SDK1: variants seen among roughly 807,000 people sequenced by gnomAD.
The protein encoded by SDK1 is protein sidekick-1.
In SDK1, 157 loss-of-function variants were observed where a neutral mutation model predicts 245.5. That is an observed-to-expected ratio of 0.64 (90% CI 0.56 to 0.73). The LOEUF is 0.73. SDK1 is among the 30% of genes least tolerant of loss of function. SDK1 has a pLI of 0.00. For synonymous variants in SDK1, 1,647 were observed against 1,278.5 expected, an observed-to-expected ratio of 1.29 and a Z score of -6.15; for missense variants, 3,583 against 3,002.3, an observed-to-expected ratio of 1.19 and a Z score of -4.52.
chr7:3,615,011 TGTA>T lies in SDK1; in HGVS notation c.299-4065_299-4063del, dbSNP rs752247805. Among the ~76,000 whole-genome samples the T allele has an allele frequency of 4.6e-5, 7 of 151,766 alleles. No individual in the cohort carries two copies. In the South Asian group the frequency reaches 1.0e-3, roughly 23 times the overall value. The stretch of plus-strand genomic sequence containing the variant: ...CTATAAAGTCCATGAAAAATTGAGT[TGTA>T]GTATCATTTTAATTCAAATCCGTTG... On this transcript the variant is annotated intron_variant, in intron 1 of 44. Coordinates refer to ENST00000404826, the MANE Select transcript of SDK1 (RefSeq NM_152744.4).
intron 5 of SDK1, among the ~76,000 whole-genome samples, chr7:3,876,541 T>A (rs1212173174): frequency 1.3e-5 from 2 of 152,238 alleles, no homozygotes; most frequent in Non-Finnish European, 2.9e-5. Flanking sequence ...CTCTGGGTAT[T>A]ATTTTTATAA....
Position 4,241,799 on chromosome 7 carries a change from G to C in SDK1, c.6137G>C (p.Gly2046Ala). The stretch of plus-strand genomic sequence containing the variant: ...CTCTCCTGCTGGGCTTTAGGAAAGG[G>C]GATCTCCACCATGGAGGAGTCTGTG... ...KKYKNCSTGK[G>A]ISTMEESVTL... Residue 2046 changes from glycine to alanine, a missense_variant, in exon 43 of 45, where the codon GGG (glycine) becomes GCG (alanine). Physicochemically the swap from Gly to Ala is moderately conservative, Grantham distance 60 (BLOSUM62 0). Transcript: ENST00000404826. 6.2e-7 allele frequency: 1 copy of C among 1,614,092 alleles called. No individual in the cohort carries two copies. Among genetic ancestry groups the C allele is most frequent in the Non-Finnish European group, 8.5e-7 (1 of 1,180,020 alleles).
At chr7:4,234,410 C>T (rs775381991) in intron 41 of SDK1, among the ~76,000 whole-genome samples, 2 of 152,156 alleles carry the variant, frequency 1.3e-5, no homozygotes, top group South Asian at 2.1e-4. Context: ...CTGCAGTCAG[C>T]AGTCATGGCA....
At chr7:3,377,012 A>C (rs908414482) in intron 1 of SDK1, among the ~76,000 whole-genome samples, 56 of 152,090 alleles carry the variant, frequency 3.7e-4, no homozygotes, top group African/African-American at 1.3e-3. Context: ...CTTGTTGCCA[A>C]CTCTCTATTC....
intron 4 of SDK1, among the ~76,000 whole-genome samples, chr7:3,781,336 G>A (rs369928433): frequency 2.0e-5 from 3 of 152,052 alleles, no homozygotes; most frequent in East Asian, 1.9e-4. Flanking sequence ...AAAAGCAGCA[G>A]CCCAACTAAG....
rs1783530848 is a variant in SDK1 at position 4,114,047 on chromosome 7, A to T, written c.3596A>T (p.Asp1199Val). 2 of 1,614,038 alleles carry T rather than the reference A, an allele frequency of 1.2e-6. No individual in the cohort carries two copies. Among genetic ancestry groups the T allele is most frequent in the Non-Finnish European group, 1.7e-6 (2 of 1,179,954 alleles). The part of the protein sequence containing the change: ...SLRLRWVPLP[D>V]SQYNGNPESV... The stretch of plus-strand genomic sequence containing the variant: ...CTCGTTCCTTCCTAGCCCCTGCCGG[A>T]TTCTCAGTACAACGGGAACCCCGAG... The change falls in exon 25 of 45, where the codon GAT becomes GTT. Residue 1199 changes from aspartate to valine, a missense_variant. Asp to Val is a radical substitution (Grantham distance 152). Coordinates refer to ENST00000404826, the MANE Select transcript of SDK1 (RefSeq NM_152744.4).
At chr7:3,569,567 GC>G (rs1318269453) in intron 1 of SDK1, among the ~76,000 whole-genome samples, 2 of 152,200 alleles carry the variant, frequency 1.3e-5, no homozygotes, top group Non-Finnish European at 2.9e-5. Flanking sequence ...GGGTGTCTGT[GC>G]CCACGGTTCA....
At position 3,814,252 on chromosome 7, in the gene SDK1, T is replaced by C. The variant is rs199667460; in HGVS notation, c.714-7198T>C. On this transcript the variant is annotated intron_variant, in intron 4 of 44. Coordinates refer to ENST00000404826, the MANE Select transcript of SDK1 (RefSeq NM_152744.4). Reference sequence around the variant, plus strand: ...AGGGTTTTTATGGTTTTAGGTCTAATGTTTAAATCTTTAATCCATCTTGAA... The same window carrying C: ...AGGGTTTTTATGGTTTTAGGTCTAACGTTTAAATCTTTAATCCATCTTGAA... 0.011 allele frequency among the ~76,000 whole-genome samples: 1,636 copies of C among 151,356 alleles called. 80 individuals are homozygous for C. In the East Asian group the frequency reaches 0.16, roughly 14 times the overall value.
chr7:3,463,611 T>C (rs1780900209), intron 1 of SDK1, among the ~76,000 whole-genome samples: 1 of 152,238 alleles, frequency 6.6e-6, no homozygotes, highest in African/African-American at 2.4e-5. Context: ...TTACAACTTC[T>C]GTTTTGCTAA....
In SDK1 at chr7:4,024,624, T is replaced by TA. The variant is rs1487105799; in HGVS notation, c.2602+7273dup. ...TGCCACGTCCTTACATTCACTGTCT[T>TA]ACTCCATTCATCCCTGGGGGTCACA... On this transcript the variant is annotated intron_variant, in intron 17 of 44. Transcript: ENST00000404826. Among the ~76,000 whole-genome samples the TA allele has an allele frequency of 2.0e-5, 3 of 152,314 alleles. No homozygotes were observed. The East Asian group carries it at 5.8e-4, about 29-fold the overall frequency.
chr7:3,901,977 C>G (rs1159382572), intron 5 of SDK1, among the ~76,000 whole-genome samples: 1 of 152,162 alleles, frequency 6.6e-6, no homozygotes, highest in African/African-American at 2.4e-5. Context: ...CGGATGTTCT[C>G]CTCTGTCTTT....
chr7:3,457,293 C>A (rs954365800), intron 1 of SDK1, among the ~76,000 whole-genome samples: 2 of 152,166 alleles, frequency 1.3e-5, no homozygotes, highest in Non-Finnish European at 2.9e-5. Context: ...TACGTTGTCC[C>A]TTCAGTCTTG....
At chr7:3,791,085 A>C (rs1781067199) in intron 4 of SDK1, among the ~76,000 whole-genome samples, 1 of 152,072 alleles carries the variant, frequency 6.6e-6, no homozygotes, top group African/African-American at 2.4e-5. Flanking sequence ...GGAGTGACAA[A>C]AATTATTTAA....
At chr7:3,509,067 GGTGT>G (rs911519846) in intron 1 of SDK1, among the ~76,000 whole-genome samples, 67 of 143,516 alleles carry the variant, frequency 4.7e-4, no homozygotes, top group African/African-American at 6.4e-4. Flanking sequence ...AGGAAGGTGG[GGTGT>G]GTGTGTGTGT....
At chr7:3,659,682 T>A (rs188170948) in intron 4 of SDK1, among the ~76,000 whole-genome samples, 1 of 152,322 alleles carries the variant, frequency 6.6e-6, no homozygotes, top group Admixed American at 6.5e-5. Context: ...CATGATCTGA[T>A]TGGCTTTAAG....
chr7:3,613,708 A>G (rs1050818130), intron 1 of SDK1, among the ~76,000 whole-genome samples: 7 of 152,206 alleles, frequency 4.6e-5, no homozygotes, highest in Admixed American at 3.9e-4. Flanking sequence ...CCCAATAGCA[A>G]TGACATGGAA....
chr7:3,452,246 A>G (rs1032892725), intron 1 of SDK1, among the ~76,000 whole-genome samples: 1 of 151,924 alleles, frequency 6.6e-6, no homozygotes, highest in Admixed American at 6.6e-5. Flanking sequence ...TTTCTCAAGG[A>G]CTCTAGGATG....
chr7:4,201,960 A>T (rs569031344), intron 35 of SDK1, among the ~76,000 whole-genome samples: 1 of 152,284 alleles, frequency 6.6e-6, no homozygotes, highest in East Asian at 1.9e-4. Flanking sequence ...TGAACCTAAC[A>T]TGCACCCCGT....
intron 5 of SDK1, among the ~76,000 whole-genome samples, chr7:3,932,059 G>A (rs898534866): frequency 6.6e-6 from 1 of 152,178 alleles, no homozygotes; most frequent in African/African-American, 2.4e-5. Context: ...TCATTGACCT[G>A]CCACGTTTTT....
Sources: allele counts gnomAD v4.1 joint callset (sites outside exome capture counted in the v4.1 genomes callset), GRCh38; gene constraint gnomAD v4.1.1; transcripts MANE v1.5; gene names NCBI Gene and HGNC (gene_info 2026-07-23, HGNC 2026-07-21).